IL1RAPL1: variants seen among roughly 807,000 people sequenced by gnomAD.
The protein encoded by IL1RAPL1 is interleukin-1 receptor accessory protein-like 1.
IL1RAPL1 carries 3 observed loss-of-function variants against 48.4 expected under a neutral mutation model. The observed-to-expected ratio is 0.06, with a 90% CI of 0.03 to 0.16. The LOEUF (loss-of-function observed/expected upper bound fraction) is 0.16. Among genes scored for constraint, IL1RAPL1 ranks in the 10% least tolerant of loss-of-function variants. The pLI is 1.00. For missense variants in IL1RAPL1, 349 were observed against 530.6 expected (o/e 0.66, Z 3.36); for synonymous variants, 185 against 187.7 (o/e 0.99, Z 0.12).
intron 6 of IL1RAPL1, among the ~76,000 whole-genome samples, chrX:29,831,591 A>AC (rs1930878243): frequency 8.9e-6 from 1 of 112,030 alleles, no homozygotes; most frequent in African/African-American, 3.2e-5. Context: ...GGTTAAGACT[A>AC]AGCTTCAAAT....
chrX:29,066,537 G>A (rs916677965), intron 2 of IL1RAPL1, among the ~76,000 whole-genome samples: 1 of 112,161 alleles, frequency 8.9e-6, no homozygotes, highest in Non-Finnish European at 1.9e-5. Context: ...CAAAGTTCAG[G>A]GCAAGGCCAC....
chrX:29,130,083 C>A (rs1458693567), intron 2 of IL1RAPL1, among the ~76,000 whole-genome samples: 2 of 111,445 alleles, frequency 1.8e-5, no homozygotes, highest in African/African-American at 3.3e-5. Context: ...TTACTACCCA[C>A]CCCTAGCTCT....
intron 2 of IL1RAPL1, among the ~76,000 whole-genome samples, chrX:29,166,972 C>G (rs1346446638): frequency 2.7e-5 from 3 of 112,376 alleles, no homozygotes; most frequent in East Asian, 5.6e-4. Context: ...GGTTAGAATT[C>G]CCTGTCACAT....
intron 2 of IL1RAPL1, among the ~76,000 whole-genome samples, chrX:28,986,425 T>A (rs1348885825): frequency 8.9e-6 from 1 of 112,619 alleles, no homozygotes; most frequent in African/African-American, 3.2e-5. Flanking sequence ...GAGTAGAGGT[T>A]AAGTAAATGG....
rs1932501168 is a variant in IL1RAPL1, at chrX:29,299,507, A to G, written c.362+16290A>G. ...ATACAAAAATAGATGTCACCTTTAA[A>G]TAATAGGTTTTTATAAGTCATTTAA... On this transcript the variant is annotated intron_variant, in intron 3 of 10. Coordinates refer to ENST00000378993, the MANE Select transcript of IL1RAPL1 (RefSeq NM_014271.4). Among the ~76,000 whole-genome samples the G allele has an allele frequency of 2.7e-5, 3 of 112,113 alleles. No individual in the cohort carries two copies. In the South Asian group the frequency reaches 1.1e-3, roughly 42 times the overall value.
chrX:29,691,772 A>AAAAAAAAG lies in IL1RAPL1; in HGVS notation c.778+23268_778+23269insAAAAAAAG, dbSNP rs34962805. The stretch of plus-strand genomic sequence containing the variant: ...TCTCAAAAAAAAAAAAAAAAAAAAA[A>AAAAAAAAG]CTCACTATACTGTTTTCTGCTGCTA... On this transcript the variant is annotated intron_variant, in intron 6 of 10. Transcript: ENST00000378993. Among the ~76,000 whole-genome samples, 10 of 90,114 alleles carry AAAAAAAAG rather than the reference A, an allele frequency of 1.1e-4. 1 individual carries two copies. The highest frequency in any genetic ancestry group is 1.4e-4 in the Non-Finnish European group (7 of 48,484). The allele number at this position is 90,114 out of a possible 115,157, so 78.3% of individuals were successfully genotyped here. A position where few individuals can be genotyped will look rare whatever the true frequency, so the allele number is the denominator to read the frequency against.
At chrX:29,379,182 C>T (rs753136478) in intron 3 of IL1RAPL1, among the ~76,000 whole-genome samples, 88 of 112,641 alleles carry the variant, frequency 7.8e-4, no homozygotes, top group African/African-American at 2.8e-3. Flanking sequence ...TCCCAGGCTG[C>T]TGTGAATGTA....
chrX:29,191,805 G>C lies in IL1RAPL1; in HGVS notation c.83-91133G>C, dbSNP rs577775272. 3.6e-5 allele frequency among the ~76,000 whole-genome samples: 4 copies of C among 111,666 alleles called. 1 individual carries two copies. The East Asian group carries it at 8.5e-4, about 24-fold the overall frequency. On this transcript the variant is annotated intron_variant, in intron 2 of 10. Transcript: ENST00000378993. The stretch of plus-strand genomic sequence containing the variant: ...AGTACCTCCATTTCAGCTTACTACA[G>C]TCTCCGCCCTCATCCCCAGGCATTT...
At chrX:29,867,104 A>G (rs148606965) in intron 6 of IL1RAPL1, among the ~76,000 whole-genome samples, 3,225 of 110,869 alleles carry the variant, frequency 0.029, 136 homozygotes, top group African/African-American at 0.1. Flanking sequence ...AACAATGCCC[A>G]TGGCCTATTG....
At chrX:29,218,536 A>G (rs1479514403) in intron 2 of IL1RAPL1, among the ~76,000 whole-genome samples, 1 of 111,758 alleles carries the variant, frequency 8.9e-6, no homozygotes, top group Non-Finnish European at 1.9e-5. Context: ...GCTATATCCT[A>G]TGTCTATGGT....
chrX:28,714,403 A>G (rs1053446468), intron 1 of IL1RAPL1, among the ~76,000 whole-genome samples: 3 of 112,187 alleles, frequency 2.7e-5, no homozygotes, highest in Non-Finnish European at 5.6e-5. Flanking sequence ...TGGAAAAAGT[A>G]TAGACATATA....
rs1357068574 is a variant in IL1RAPL1, at chrX:29,888,493, G to C, written c.779-28971G>C. ...CCCGCCTCAGCCTCCCAAAGTGCTG[G>C]GGTTACAGATGTAAGCCACCATGTC... On this transcript the variant is annotated intron_variant, in intron 6 of 10. Coordinates refer to ENST00000378993, the MANE Select transcript of IL1RAPL1 (RefSeq NM_014271.4). 2.7e-5 allele frequency among the ~76,000 whole-genome samples: 3 copies of C among 110,783 alleles called. No individual in the cohort carries two copies. In the East Asian group the frequency reaches 8.5e-4, roughly 31 times the overall value.
chrX:29,437,047 T>G (rs1934489374), intron 5 of IL1RAPL1, among the ~76,000 whole-genome samples: 1 of 111,129 alleles, frequency 9.0e-6, no homozygotes, highest in Admixed American at 9.6e-5. Flanking sequence ...AAAATTTGTC[T>G]CTACAAATGC....
intron 3 of IL1RAPL1, among the ~76,000 whole-genome samples, chrX:29,370,225 T>C (rs1006858689): frequency 6.3e-5 from 7 of 111,571 alleles, no homozygotes. Flanking sequence ...GCTTTTTTTT[T>C]CTCAGAACAG....
At chrX:28,706,253 CT>C (rs1402558269) in intron 1 of IL1RAPL1, among the ~76,000 whole-genome samples, 1 of 112,013 alleles carries the variant, frequency 8.9e-6, no homozygotes, top group South Asian at 3.7e-4. Context: ...CAGTAATTTG[CT>C]ATGCAGGTTT....
chrX:29,019,222 G>A (rs1031411041), intron 2 of IL1RAPL1, among the ~76,000 whole-genome samples: 3 of 111,487 alleles, frequency 2.7e-5, no homozygotes. Context: ...TTCAAGATGA[G>A]ATTTGGGTGG....
At chrX:29,500,481 A>G (rs184796654) in intron 5 of IL1RAPL1, among the ~76,000 whole-genome samples, 1 of 111,260 alleles carries the variant, frequency 9.0e-6, no homozygotes, top group Non-Finnish European at 1.9e-5. Context: ...TATCTTTATG[A>G]GATCTACTTT....
At chrX:29,216,169 T>A (rs1368779769) in intron 2 of IL1RAPL1, among the ~76,000 whole-genome samples, 7 of 111,038 alleles carry the variant, frequency 6.3e-5, no homozygotes, top group Non-Finnish European at 1.3e-4. Flanking sequence ...TTTGTTGTTA[T>A]TGTTGTTGTT....
intron 6 of IL1RAPL1, among the ~76,000 whole-genome samples, chrX:29,736,856 C>G (rs1159046700): frequency 1.8e-5 from 2 of 111,800 alleles, no homozygotes; most frequent in Non-Finnish European, 3.8e-5. Context: ...TAAATTGACC[C>G]TTACAAAATG....
Sources: allele counts gnomAD v4.1 joint callset (sites outside exome capture counted in the v4.1 genomes callset), GRCh38; gene constraint gnomAD v4.1.1; transcripts MANE v1.5; gene names NCBI Gene and HGNC (gene_info 2026-07-23, HGNC 2026-07-21).